OSBPL3: variants seen among roughly 807,000 people sequenced by gnomAD.
The protein encoded by OSBPL3 is oxysterol binding protein like 3, also known as oxysterol-binding protein-related protein 3.
In OSBPL3, 65 loss-of-function variants were observed where a neutral mutation model predicts 120.1. That is an observed-to-expected ratio of 0.54 (90% CI 0.44 to 0.67). The LOEUF (loss-of-function observed/expected upper bound fraction) is 0.67. Among genes scored for constraint, OSBPL3 ranks in the 30% least tolerant of loss-of-function variants. The pLI is 0.00. For missense variants in OSBPL3, 1,004 were observed against 1,082.1 expected (o/e 0.93, Z 1.01); for synonymous variants, 416 against 402.6 (o/e 1.03, Z -0.40).
chr7:24,934,710 T>C (rs1812184599), intron 1 of OSBPL3, among the ~76,000 whole-genome samples: 1 of 152,194 alleles, frequency 6.6e-6, no homozygotes, highest in African/African-American at 2.4e-5. Flanking sequence ...ATGGATCTTT[T>C]CTGGAAATAT....
chr7:24,978,334 A>G (rs569728022), intron 1 of OSBPL3, among the ~76,000 whole-genome samples: 38 of 152,376 alleles, frequency 2.5e-4, no homozygotes, highest in African/African-American at 9.1e-4. Context: ...TTCATTCTAT[A>G]AATGTTTACT....
At chr7:24,884,098 AAAC>A (rs1804117727) in intron 2 of OSBPL3, among the ~76,000 whole-genome samples, 1 of 152,186 alleles carries the variant, frequency 6.6e-6, no homozygotes, top group Admixed American at 6.5e-5. Flanking sequence ...CAACAAAAAA[AAAC>A]AGCTCCAGGC....
intron 13 of OSBPL3, 36 bp from the exon 14 acceptor site, chr7:24,840,819 G>A (rs1344755354): frequency 1.1e-6 from 1 of 948,190 alleles, no homozygotes; most frequent in African/African-American, 1.7e-5. Context: ...ATTAGAGTTA[G>A]AATAAACAAG....
chr7:24,876,433 T>C (rs796363110), intron 2 of OSBPL3, among the ~76,000 whole-genome samples: 3 of 146,502 alleles, frequency 2.0e-5, no homozygotes, highest in African/African-American at 2.5e-5. Context: ...TTTTTTTTTT[T>C]CTTCCCTTTC....
At chr7:24,956,736 T>C (rs1365936399) in intron 1 of OSBPL3, among the ~76,000 whole-genome samples, 2 of 152,238 alleles carry the variant, frequency 1.3e-5, no homozygotes, top group African/African-American at 2.4e-5. Context: ...GTTACCTTAA[T>C]AAAATTTTAT....
In OSBPL3 at chr7:24,912,287, A is replaced by G. The variant is rs1044337608; in HGVS notation, c.-149-19666T>C. On this transcript the variant is annotated intron_variant, in intron 1 of 22. Coordinates refer to ENST00000313367, the MANE Select transcript of OSBPL3 (RefSeq NM_015550.4). This position sits in a 1 kb window ranked among gnomAD's most constrained non-coding sequence, Gnocchi z 4.5. ...AAAAATAATAGTTCATAGGAATTAC[A>G]AATCAGAAAATGTAAGTCAAAATGT... 6.6e-6 allele frequency among the ~76,000 whole-genome samples: 1 copy of G among 152,224 alleles called. No homozygotes were observed. Among genetic ancestry groups the G allele is most frequent in the African/African-American group, 2.4e-5 (1 of 41,462 alleles).
rs1052023910 is a variant in OSBPL3, at chr7:24,867,149, C to T, written c.382-912G>A. 6.6e-6 allele frequency among the ~76,000 whole-genome samples: 1 copy of T among 152,228 alleles called. No individual in the cohort carries two copies. The highest frequency in any genetic ancestry group is 1.5e-5 in the Non-Finnish European group (1 of 68,026). On this transcript the variant is annotated intron_variant, in intron 5 of 22. Coordinates refer to ENST00000313367, the MANE Select transcript of OSBPL3 (RefSeq NM_015550.4). The surrounding 1 kb of genome is among the most constrained non-coding windows in gnomAD (Gnocchi z 4.5). Reference sequence around the variant, plus strand: ...GAACAGTGCCAATTATATTAAGCAACAAATAAACTGAAATTTACATTTATC... The same window carrying T: ...GAACAGTGCCAATTATATTAAGCAATAAATAAACTGAAATTTACATTTATC...
Position 24,863,196 on chromosome 7 carries a change from T to A in OSBPL3, c.870+4A>T, listed in dbSNP as rs1209151584. The A allele has an allele frequency of 4.4e-6, 7 of 1,608,474 alleles. No homozygotes were observed. Among genetic ancestry groups the A allele is most frequent in the Non-Finnish European group, 5.1e-6 (6 of 1,174,862 alleles). On this transcript the variant is annotated splice_donor_region_variant and intron_variant, in intron 9 of 22. Transcript: ENST00000313367. This position sits in a 1 kb window ranked among gnomAD's most constrained non-coding sequence, Gnocchi z 5.8. ...ACCAGTCTGTCAGGGGAAGCAATGG[T>A]TACCTGCAGTGTTCCTTTAGCATCT...
At chr7:24,892,884 AC>A (rs1297850712) in intron 1 of OSBPL3, among the ~76,000 whole-genome samples, 1 of 152,244 alleles carries the variant, frequency 6.6e-6, no homozygotes, top group African/African-American at 2.4e-5. Flanking sequence ...CAAAATCAGT[AC>A]TATAAAAAAT....
chr7:24,905,138 T>C (rs132), intron 1 of OSBPL3, among the ~76,000 whole-genome samples: 42,518 of 145,032 alleles, frequency 0.29, 6,676 homozygotes, highest in South Asian at 0.41. Context: ...GATGCACAAA[T>C]AGAAGATAAG....
chr7:24,834,163 A>G lies in OSBPL3; in HGVS notation c.1746+323T>C. ...TAAAAATAAACATGCAGACAGCCCTAAAGACATGTTTTCCAGCCGGGCACA... is the reference window on the plus strand; with the variant it reads ...TAAAAATAAACATGCAGACAGCCCTGAAGACATGTTTTCCAGCCGGGCACA... On this transcript the variant is annotated intron_variant, in intron 15 of 22. Coordinates refer to ENST00000313367, the MANE Select transcript of OSBPL3 (RefSeq NM_015550.4). This position sits in a 1 kb window ranked among gnomAD's most constrained non-coding sequence, Gnocchi z 5.2. 2 of 1,059,510 alleles carry G rather than the reference A, an allele frequency of 1.9e-6. No homozygotes were observed. The highest frequency in any genetic ancestry group is 2.3e-6 in the Non-Finnish European group (2 of 869,472). The allele number at this position is 1,059,510 out of a possible 1,614,324, so 65.6% of individuals were successfully genotyped here. A position where few individuals can be genotyped will look rare whatever the true frequency, so the allele number is the denominator to read the frequency against.
Position 24,879,696 on chromosome 7 carries a change from G to A in OSBPL3, c.97-7627C>T, listed in dbSNP as rs146249169. On this transcript the variant is annotated intron_variant, in intron 2 of 22. Coordinates refer to ENST00000313367, the MANE Select transcript of OSBPL3 (RefSeq NM_015550.4). This position sits in a 1 kb window ranked among gnomAD's most constrained non-coding sequence, Gnocchi z 5.6. The stretch of plus-strand genomic sequence containing the variant: ...GCCAGCTCTGTCAGTGGCTCCACCT[G>A]AGGTCATTCCCATCCTGAGTTTCCA... Among the ~76,000 whole-genome samples the A allele has an allele frequency of 1.9e-3, 282 of 152,316 alleles. 3 individuals carry two copies. The highest frequency in any genetic ancestry group is 0.013 in the Admixed American group (198 of 15,298).
At chr7:24,868,710 C>G (rs1272500657) in intron 5 of OSBPL3, among the ~76,000 whole-genome samples, 1 of 152,134 alleles carries the variant, frequency 6.6e-6, no homozygotes, top group East Asian at 1.9e-4. Flanking sequence ...GCAATACAAA[C>G]AGACTCACAC....
At position 24,979,767 on chromosome 7, in the gene OSBPL3, A is replaced by C. The variant is rs1818052085; in HGVS notation, c.-150+119T>G. On this transcript the variant is annotated intron_variant, in intron 1 of 22. Transcript: ENST00000313367. Reference sequence around the variant, plus strand: ...GCCGGAGCCTCCCCGGGCGACTCGGACAGACCCCGGTCCGGCAGAGAACCG... The same window carrying C: ...GCCGGAGCCTCCCCGGGCGACTCGGCCAGACCCCGGTCCGGCAGAGAACCG... 9.7e-6 allele frequency: 5 copies of C among 517,566 alleles called. No homozygotes were observed. The African/African-American group carries it at 1.0e-4, about 11-fold the overall frequency. The allele number at this position is 517,566 out of a possible 1,614,324, so 32.1% of individuals were successfully genotyped here.
chr7:24,950,492 G>A (rs1814267817), intron 1 of OSBPL3, among the ~76,000 whole-genome samples: 1 of 152,264 alleles, frequency 6.6e-6, no homozygotes, highest in African/African-American at 2.4e-5. Context: ...GGAGGCCGAG[G>A]CGGGCGGATC....
At chr7:24,979,441 G>A (rs943538922) in intron 1 of OSBPL3, among the ~76,000 whole-genome samples, 1 of 152,146 alleles carries the variant, frequency 6.6e-6, no homozygotes, top group South Asian at 2.1e-4. Flanking sequence ...CCCCGCGAGC[G>A]TTGTCTCAGT....
At chr7:24,962,115 C>T (rs956639567) in intron 1 of OSBPL3, among the ~76,000 whole-genome samples, 1 of 151,706 alleles carries the variant, frequency 6.6e-6, no homozygotes, top group Non-Finnish European at 1.5e-5. Context: ...CCAGCCTGGC[C>T]AACATGGTGA....
intron 16 of OSBPL3, among the ~76,000 whole-genome samples, chr7:24,826,217 T>C (rs745532958): frequency 1.3e-5 from 2 of 152,188 alleles, no homozygotes; most frequent in Admixed American, 6.5e-5. Context: ...GTCCTTCCTC[T>C]CTGAATTCTT....
intron 20 of OSBPL3, among the ~76,000 whole-genome samples, chr7:24,809,027 T>A (rs1361932479): frequency 6.6e-6 from 1 of 152,174 alleles, no homozygotes; most frequent in Non-Finnish European, 1.5e-5. Context: ...CTGATCTGTG[T>A]GTCCTTGACA....
Sources: allele counts gnomAD v4.1 joint callset (sites outside exome capture counted in the v4.1 genomes callset), GRCh38; gene constraint gnomAD v4.1.1; non-coding constraint Gnocchi (gnomAD v3.1); transcripts MANE v1.5; gene names NCBI Gene and HGNC (gene_info 2026-07-23, HGNC 2026-07-21).